Variants in PDPN observed in about 807,000 individuals in gnomAD.
PDPN encodes podoplanin.
A neutral mutation model predicts 23.2 loss-of-function variants in PDPN; 12 were observed. The ratio of observed to expected loss-of-function variants is 0.52; its 90% CI spans 0.33 to 0.84. PDPN has a LOEUF of 0.84. Ranked by LOEUF, PDPN falls within the 40% of genes least tolerant of loss-of-function variation. The pLI is 0.02. For missense variants in PDPN, 199 were observed against 212.2 expected (o/e 0.94, Z 0.39); for synonymous variants, 77 against 76.7 (o/e 1.00, Z -0.02).
chr1:13,596,322 C>A (rs1640496685), intron 1 of PDPN, among the ~76,000 whole-genome samples: 1 of 152,116 alleles, frequency 6.6e-6, no homozygotes, highest in South Asian at 2.1e-4. Flanking sequence ...GTGTGGACTT[C>A]AGTTAGCGCT....
chr1:13,607,170 C>CA lies in PDPN; in HGVS notation c.68-2dup. 6.2e-7 allele frequency: 1 copy of CA among 1,612,940 alleles called. No individual in the cohort carries two copies. Among genetic ancestry groups the CA allele is most frequent in the Non-Finnish European group, 8.5e-7 (1 of 1,179,536 alleles). The stretch of plus-strand genomic sequence containing the variant: ...AAGCTCTGACTCAATCTTTCTTCTT[C>CA]AGCCAGCACAGGCCAGCCAGAAGAT... On this transcript the variant is annotated splice_polypyrimidine_tract_variant and splice_region_variant and intron_variant, in intron 1 of 5. Transcript: ENST00000621990.
chr1:13,610,303 CTTAAATCCTT>C (rs1350104405), intron 2 of PDPN, 74 bp from the exon 3 acceptor site: 8 of 1,201,144 alleles, frequency 6.7e-6, no homozygotes, highest in Non-Finnish European at 9.5e-6. Flanking sequence ...TTTATGCCAC[CTTAAATCCTT>C]TTATAAGGCA....
At chr1:13,603,225 A>G (rs1185456464) in intron 1 of PDPN, among the ~76,000 whole-genome samples, 2 of 152,096 alleles carry the variant, frequency 1.3e-5, no homozygotes, top group African/African-American at 4.8e-5. Flanking sequence ...TCTACTAAAA[A>G]TATAAAAATT....
intron 1 of PDPN, among the ~76,000 whole-genome samples, chr1:13,591,176 G>A (rs964693324): frequency 6.6e-6 from 1 of 152,030 alleles, no homozygotes; most frequent in Non-Finnish European, 1.5e-5. Context: ...TCCTGACCTC[G>A]TGATCCGCCC....
intron 2 of PDPN, among the ~76,000 whole-genome samples, chr1:13,609,494 C>T (rs184875715): frequency 1.5e-4 from 23 of 152,152 alleles, no homozygotes; most frequent in African/African-American, 5.5e-4. Flanking sequence ...GTGTACAATT[C>T]AGTAGTGTTA....
At chr1:13,599,920 G>C (rs1398974097) in intron 1 of PDPN, among the ~76,000 whole-genome samples, 1 of 152,198 alleles carries the variant, frequency 6.6e-6, no homozygotes. Context: ...GTTAAGCGGG[G>C]AGAGGGCTGC....
intron 5 of PDPN, 61 bp from the exon 6 acceptor site, chr1:13,615,844 C>T (rs547475112): frequency 6.0e-5 from 88 of 1,474,442 alleles, no homozygotes; most frequent in South Asian, 5.6e-4. Flanking sequence ...AAAGGACTCA[C>T]GGAGTTACTA....
At chr1:13,596,405 G>T (rs1640498435) in intron 1 of PDPN, among the ~76,000 whole-genome samples, 1 of 152,176 alleles carries the variant, frequency 6.6e-6, no homozygotes, top group African/African-American at 2.4e-5. Context: ...CCAAAGCCTA[G>T]ATTAATTCAC....
chr1:13,611,241 A>AAAAC (rs145238874), intron 3 of PDPN, among the ~76,000 whole-genome samples: 3 of 150,410 alleles, frequency 2.0e-5, no homozygotes, highest in Admixed American at 2.0e-4. Flanking sequence ...ACAAAACAAA[A>AAAAC]AAACAAACAA....
At chr1:13,614,182 A>G (rs1641006743) in intron 4 of PDPN, 118 bp from the exon 5 acceptor site, 1 of 628,782 alleles carries the variant, frequency 1.6e-6, no homozygotes, top group Admixed American at 3.2e-5. Flanking sequence ...TGCTCAAACA[A>G]CATAGAGCAA....
intron 1 of PDPN, among the ~76,000 whole-genome samples, chr1:13,600,397 C>G (rs1640613291): frequency 6.7e-6 from 1 of 148,280 alleles, no homozygotes; most frequent in Non-Finnish European, 1.5e-5. Flanking sequence ...GATGGAGATT[C>G]ACTCTTGTCA....
At chr1:13,605,104 A>G (rs1375591686) in intron 1 of PDPN, among the ~76,000 whole-genome samples, 1 of 152,240 alleles carries the variant, frequency 6.6e-6, no homozygotes, top group East Asian at 1.9e-4. Flanking sequence ...TCCTCTAGGC[A>G]TCAAAGAAGC....
At chr1:13,609,526 C>T (rs576249199) in intron 2 of PDPN, among the ~76,000 whole-genome samples, 4 of 152,174 alleles carry the variant, frequency 2.6e-5, no homozygotes, top group South Asian at 2.1e-4. Flanking sequence ...ATCATTAAAC[C>T]GATCTCCAGA....
chr1:13,585,787 T>A (rs1570002881), intron 1 of PDPN: 1 of 507,770 alleles, frequency 2.0e-6, no homozygotes, highest in African/African-American at 2.0e-5. Context: ...CCCAGCAGGG[T>A]TTTTGTCTGA....
chr1:13,594,957 T>A (rs1001469309), intron 1 of PDPN, among the ~76,000 whole-genome samples: 5 of 146,466 alleles, frequency 3.4e-5, no homozygotes, highest in Admixed American at 1.4e-4. Flanking sequence ...ATTGCGCCAC[T>A]GCACTCCAGC....
chr1:13,585,708 A>G (rs1640159657), intron 1 of PDPN: 1 of 1,231,516 alleles, frequency 8.1e-7, no homozygotes, highest in Admixed American at 1.9e-5. Flanking sequence ...TACTAAAGAA[A>G]GAAGTGGTAT....
At chr1:13,584,311 G>T in intron 1 of PDPN, 1 of 1,506,060 alleles carries the variant, frequency 6.6e-7, no homozygotes, top group African/African-American at 1.4e-5. Flanking sequence ...CGGGTGTGCC[G>T]GGAGGAGCCC....
intron 1 of PDPN, among the ~76,000 whole-genome samples, chr1:13,585,286 A>G (rs984780715): frequency 3.9e-5 from 6 of 152,184 alleles, no homozygotes; most frequent in Non-Finnish European, 8.8e-5. Flanking sequence ...GTCCACACAG[A>G]CAAAAATACC....
At chr1:13,601,897 GA>G (rs1223421398) in intron 1 of PDPN, among the ~76,000 whole-genome samples, 3 of 152,244 alleles carry the variant, frequency 2.0e-5, no homozygotes, top group Non-Finnish European at 4.4e-5. Flanking sequence ...ATGTCAAAGA[GA>G]AAACAAGTTT....
Sources: gnomAD v4.1 joint callset for allele counts (sites outside exome capture counted in the v4.1 genomes callset) on GRCh38, gnomAD v4.1.1 for gene constraint, MANE v1.5 for transcripts, NCBI Gene and HGNC (gene_info 2026-07-23, HGNC 2026-07-21) for gene names.